The following BAZ1A variants were observed in gnomAD, a reference collection of about 807,000 sequenced individuals.
BAZ1A encodes bromodomain adjacent to zinc finger domain protein 1A.
BAZ1A carries 50 observed loss-of-function variants against 185.2 expected under a neutral mutation model. That is an observed-to-expected ratio of 0.27 (90% CI 0.22 to 0.34). The LOEUF is 0.34. Ranked by LOEUF, BAZ1A falls within the 10% of genes least tolerant of loss-of-function variation. The probability of loss-of-function intolerance (pLI) is 1.00; values close to 1 mark genes in which losing one functional copy is unlikely to be tolerated. For missense variants in BAZ1A, 1,356 were observed against 1,839.9 expected, an observed-to-expected ratio of 0.74 and a Z score of 4.81; for synonymous variants, 571 against 615.6, an observed-to-expected ratio of 0.93 and a Z score of 1.07.
rs143803629 is a variant in BAZ1A, at chr14:34,800,355, C to T, written c.997G>A (p.Asp333Asn). ...EKAKLKREKADALEAKKKEKE... is the reference protein window; with the variant it reads ...EKAKLKREKANALEAKKKEKE... ...TCTTTTTTCTTCGCTTCTAGGGCAT[C>T]TGCTTTTTCTCTTTTTAATTTAGCC... Residue 333 changes from aspartate (D) to asparagine (N), a missense_variant, in exon 9 of 27, where the codon GAT becomes AAT. Physicochemically the swap from Asp to Asn is conservative, Grantham distance 23. Around this residue, in one of 7 missense-constraint regions of BAZ1A, gnomAD observed 332 missense variants for 395.3 expected, o/e 0.84. Transcript: ENST00000360310. 1.3e-6 allele frequency: 2 copies of T among 1,545,264 alleles called. No homozygotes were observed. The highest frequency in any genetic ancestry group is 1.7e-6 in the Non-Finnish European group (2 of 1,152,644).
intron 21 of BAZ1A, 85 bp downstream of exon 21, chr14:34,771,426 C>T: frequency 1.6e-6 from 2 of 1,262,436 alleles, no homozygotes; most frequent in Non-Finnish European, 1.1e-6. Flanking sequence ...TTCATTATGT[C>T]AGCCAATAAA....
intron 3 of BAZ1A, among the ~76,000 whole-genome samples, chr14:34,843,582 G>A: frequency 6.6e-6 from 1 of 152,134 alleles, no homozygotes; most frequent in East Asian, 1.9e-4. Flanking sequence ...GCCAACCACA[G>A]AATTGTAAGA....
intron 4 of BAZ1A, among the ~76,000 whole-genome samples, chr14:34,825,656 A>T (rs2042155886): frequency 6.6e-6 from 1 of 151,902 alleles, no homozygotes; most frequent in African/African-American, 2.4e-5. Context: ...AAGTTATTTC[A>T]GCTGGGTGCG....
In BAZ1A at chr14:34,801,176, A is replaced by G; in HGVS notation, c.879T>C (p.Asn293=). 2 of 1,605,772 alleles carry G rather than the reference A, an allele frequency of 1.2e-6. No homozygotes were observed. The highest frequency in any genetic ancestry group is 1.7e-6 in the Non-Finnish European group (2 of 1,177,348). The change falls in exon 8 of 27, where the codon AAT becomes AAC. Residue 293 remains asparagine (N), a synonymous_variant. Transcript: ENST00000360310. ...IHISQEDNVA[N]KQTLASYRSK... Reference sequence around the variant, plus strand: ...TCCTATAACTTGCAAGAGTCTGTTTATTAGCAACATTGTCCTCCTAAAAAA... The same window carrying G: ...TCCTATAACTTGCAAGAGTCTGTTTGTTAGCAACATTGTCCTCCTAAAAAA...
At chr14:34,864,776 AT>A (rs35276443) in intron 2 of BAZ1A, among the ~76,000 whole-genome samples, 3,509 of 140,400 alleles carry the variant, frequency 0.025, 137 homozygotes, top group African/African-American at 0.082. Flanking sequence ...AGCGCAATAA[AT>A]TTTTTTTTTT....
At chr14:34,864,715 C>A (rs2042826793) in intron 2 of BAZ1A, among the ~76,000 whole-genome samples, 1 of 151,952 alleles carries the variant, frequency 6.6e-6, no homozygotes, top group Non-Finnish European at 1.5e-5. Context: ...CGTGATCCAC[C>A]CACCTCAGCC....
rs189528236 is a variant in BAZ1A, at chr14:34,823,650, A to G, written c.536+2363T>C. Among the ~76,000 whole-genome samples the G allele has an allele frequency of 7.5e-3, 1,136 of 152,192 alleles. 13 individuals carry two copies. Among genetic ancestry groups the G allele is most frequent in the Non-Finnish European group, 9.9e-3 (671 of 67,998 alleles). On this transcript the variant is annotated intron_variant, in intron 4 of 26. Transcript: ENST00000360310. ...TACTCCAGCCTGGGCAACAAGAGCGAAACTCCATCTCAAAAAAAAAATTTT... is the reference window on the plus strand; with the variant it reads ...TACTCCAGCCTGGGCAACAAGAGCGGAACTCCATCTCAAAAAAAAAATTTT...
rs536362927 is a variant in BAZ1A at position 34,768,978 on chromosome 14, A to G, written c.3301+2533T>C. The stretch of plus-strand genomic sequence containing the variant: ...TAGCAGTATGATTAATCTCTAGAAT[A>G]AAAGGGACATATTAGAGAGGTAGAA... On this transcript the variant is annotated intron_variant, in intron 21 of 26. Transcript: ENST00000360310. Among the ~76,000 whole-genome samples, 15 of 152,254 alleles carry G rather than the reference A, an allele frequency of 9.9e-5. No individual in the cohort carries two copies. In the East Asian group the frequency reaches 2.7e-3, roughly 27 times the overall value.
At chr14:34,818,581 A>G (rs1199182476) in intron 4 of BAZ1A, among the ~76,000 whole-genome samples, 2 of 152,222 alleles carry the variant, frequency 1.3e-5, no homozygotes, top group Non-Finnish European at 2.9e-5. Flanking sequence ...AATGTATATA[A>G]TGACAGGTAT....
At chr14:34,818,927 G>A (rs886288979) in intron 4 of BAZ1A, among the ~76,000 whole-genome samples, 2 of 151,968 alleles carry the variant, frequency 1.3e-5, no homozygotes, top group Admixed American at 6.6e-5. Context: ...GGATCACGAG[G>A]TCAGGAGATC....
chr14:34,795,880 G>A (rs1881161936), intron 9 of BAZ1A, 115 bp from the exon 10 acceptor site: 1 of 708,184 alleles, frequency 1.4e-6, no homozygotes, highest in Non-Finnish European at 2.3e-6. Flanking sequence ...CATACCTACT[G>A]AAGCAGTAAC....
At position 34,780,300 on chromosome 14, in the gene BAZ1A, T is replaced by C. The variant is rs1879953926; in HGVS notation, c.2122A>G (p.Arg708Gly). ...TADISIGEEE[R>G]EDFDTSIESK... ...TCAATGCTAGTATCAAAATCTTCCC[T>C]TTCTTCCTCCCTTTAGGATAAAAAC... The change falls in exon 17 of 27, where the codon AGG (arginine) becomes GGG (glycine). Residue 708 changes from arginine to glycine, a missense_variant. Transcript: ENST00000360310. 6.2e-7 allele frequency: 1 copy of C among 1,610,900 alleles called. No individual in the cohort carries two copies. Among genetic ancestry groups the C allele is most frequent in the African/African-American group, 1.3e-5 (1 of 74,904 alleles).
intron 3 of BAZ1A, among the ~76,000 whole-genome samples, chr14:34,827,445 G>A (rs2042179414): frequency 6.6e-6 from 1 of 152,130 alleles, no homozygotes; most frequent in African/African-American, 2.4e-5. Flanking sequence ...TAACTGTCTA[G>A]AAAGTCATTG....
At chr14:34,816,315 C>T (rs2042006302) in intron 4 of BAZ1A, among the ~76,000 whole-genome samples, 1 of 152,014 alleles carries the variant, frequency 6.6e-6, no homozygotes, top group Non-Finnish European at 1.5e-5. Flanking sequence ...GCTTGATCTC[C>T]TGACCTCGTG....
chr14:34,764,932 G>T lies in BAZ1A; in HGVS notation c.3551C>A (p.Thr1184Asn). The T allele has an allele frequency of 6.2e-7, 1 of 1,613,954 alleles. No homozygotes were observed. Among genetic ancestry groups the T allele is most frequent in the Non-Finnish European group, 8.5e-7 (1 of 1,179,964 alleles). Reference sequence around the variant, plus strand: ...ACAAAACCAGTCTCCTTCAGGCACAGTCTGAAAAAATCACATAAATGATCA... The same window carrying T: ...ACAAAACCAGTCTCCTTCAGGCACATTCTGAAAAAATCACATAAATGATCA... ...HTYCVRPKLK[T>N]VPEGDWFCPE... Residue 1184 changes from threonine to asparagine, a missense_variant and splice_region_variant, in exon 23 of 27, where the codon ACT becomes AAT. By Grantham distance (65) the Thr-to-Asn change is moderately conservative. Coordinates refer to ENST00000360310, the MANE Select transcript of BAZ1A (RefSeq NM_013448.3).
chr14:34,821,193 C>T (rs1246084557), intron 4 of BAZ1A, among the ~76,000 whole-genome samples: 1 of 152,182 alleles, frequency 6.6e-6, no homozygotes, highest in Non-Finnish European at 1.5e-5. Flanking sequence ...GACAACACTG[C>T]ATATATCTTG....
intron 14 of BAZ1A, among the ~76,000 whole-genome samples, chr14:34,785,229 A>G (rs1443533132): frequency 1.3e-5 from 2 of 152,250 alleles, no homozygotes; most frequent in Non-Finnish European, 2.9e-5. Flanking sequence ...GAATTAAAAA[A>G]AGACAATGGT....
intron 5 of BAZ1A, among the ~76,000 whole-genome samples, chr14:34,810,220 C>CTGATATCA (rs1264876071): frequency 6.6e-6 from 1 of 152,156 alleles, no homozygotes; most frequent in Non-Finnish European, 1.5e-5. Context: ...TGATAGCTGG[C>CTGATATCA]TGATATCATC....
rs4007479 is a variant in BAZ1A at position 34,844,777 on chromosome 14, G to GCACACA, written c.392+17261_392+17266dup. Among the ~76,000 whole-genome samples the GCACACA allele has an allele frequency of 9.2e-4, 80 of 86,868 alleles. No individual in the cohort carries two copies. In the East Asian group the frequency reaches 0.01, roughly 11 times the overall value. 57.0% of individuals were successfully genotyped at this position (86,868 alleles called of 152,430 possible). ...TGTCTAAACACACACACACACACGC[G>GCACACA]CACACACACACACACACACACACAC... is the stretch of plus-strand genomic sequence containing the variant. On this transcript the variant is annotated intron_variant, in intron 3 of 26. Coordinates refer to ENST00000360310, the MANE Select transcript of BAZ1A (RefSeq NM_013448.3).
Sources: allele counts gnomAD v4.1 joint callset (sites outside exome capture counted in the v4.1 genomes callset), GRCh38; gene constraint gnomAD v4.1.1; regional missense constraint gnomAD v4.1.1; transcripts MANE v1.5; gene names NCBI Gene and HGNC (gene_info 2026-07-23, HGNC 2026-07-21).